The following GCM2 variants were observed in gnomAD, a reference collection of about 807,000 sequenced individuals.
GCM2 encodes the protein GCM transcription factor 2, also known as chorion-specific transcription factor GCMb.
A neutral mutation model predicts 24.8 loss-of-function variants in GCM2; 21 were observed. The ratio of observed to expected loss-of-function variants is 0.85; its 90% CI spans 0.60 to 1.22. The LOEUF is 1.22. Ranked by LOEUF, GCM2 falls within the 50% of genes most tolerant of loss-of-function variation. GCM2 has a pLI of 0.00. For synonymous variants in GCM2, 222 were observed against 238.0 expected (o/e 0.93, Z 0.62); for missense variants, 532 against 645.6 (o/e 0.82, Z 1.91).
rs767754568 is a variant in GCM2 at position 10,874,164 on chromosome 6, G to A, written c.1352C>T (p.Ala451Val). Reference protein sequence around the residue: ...SPSGPPPMKIAGDCRAIRPTV... With the variant: ...SPSGPPPMKIVGDCRAIRPTV... The stretch of plus-strand genomic sequence containing the variant: ...GGGTCTGATGGCCCGGCAATCTCCT[G>A]CAATTTTCATAGGAGGTGGCCCTGA... Residue 451 changes from alanine (A) to valine (V), a missense_variant, in exon 5 of 5, where the codon GCA becomes GTA. Physicochemically the swap from Ala to Val is moderately conservative, Grantham distance 64. Coordinates refer to ENST00000379491, the MANE Select transcript of GCM2 (RefSeq NM_004752.4). 1.9e-6 allele frequency: 3 copies of A among 1,614,102 alleles called. No individual in the cohort carries two copies. In the African/African-American group the frequency reaches 4.0e-5, roughly 22 times the overall value.
chr6:10,876,441 C>T lies in GCM2; in HGVS notation c.456+4G>A. The T allele has an allele frequency of 1.3e-6, 2 of 1,585,526 alleles. No individual in the cohort carries two copies. Among genetic ancestry groups the T allele is most frequent in the Non-Finnish European group, 1.7e-6 (2 of 1,153,834 alleles). On this transcript the variant is annotated splice_donor_region_variant and intron_variant, in intron 3 of 4. Coordinates refer to ENST00000379491, the MANE Select transcript of GCM2 (RefSeq NM_004752.4). ...ATCACAAATTGTGTTCTCACCTGACCTACCTGAAAAAAGATCGCGTTGCCA... is the reference window on the plus strand; with the variant it reads ...ATCACAAATTGTGTTCTCACCTGACTTACCTGAAAAAAGATCGCGTTGCCA...
chr6:10,876,562 A>T lies in GCM2; in HGVS notation c.344-5T>A, dbSNP rs749006010. On this transcript the variant is annotated splice_region_variant and splice_polypyrimidine_tract_variant and intron_variant, in intron 2 of 4. Transcript: ENST00000379491. Reference sequence around the variant, plus strand: ...GACAGTTAGGGCATGCCTTCTCTGCAAAGCCCAGAAGGGAGAAATATTAAC... The same window carrying T: ...GACAGTTAGGGCATGCCTTCTCTGCTAAGCCCAGAAGGGAGAAATATTAAC... 5.1e-6 allele frequency: 8 copies of T among 1,568,998 alleles called. No homozygotes were observed. The highest frequency in any genetic ancestry group is 7.0e-6 in the Non-Finnish European group (8 of 1,139,010).
intron 1 of GCM2, among the ~76,000 whole-genome samples, chr6:10,880,776 A>T (rs1353190530): frequency 1.3e-5 from 2 of 152,240 alleles, no homozygotes; most frequent in Non-Finnish European, 2.9e-5. Context: ...AGTTTTGGGT[A>T]CAGGTGGCCT....
intron 3 of GCM2, 33 bp from the exon 4 acceptor site, chr6:10,876,049 T>A: frequency 6.2e-7 from 1 of 1,613,012 alleles, no homozygotes. Context: ...CATACATTTG[T>A]GCCTCTAAAG....
At chr6:10,875,684 T>C (rs542538675) in intron 4 of GCM2, among the ~76,000 whole-genome samples, 1 of 152,310 alleles carries the variant, frequency 6.6e-6, no homozygotes, top group East Asian at 1.9e-4. Context: ...TCATTGCCTG[T>C]AGAGATTGTT....
In GCM2 at chr6:10,874,120, C is replaced by G; in HGVS notation, c.1396G>C (p.Glu466Gln). The change falls in exon 5 of 5, where the codon GAG becomes CAG. Residue 466 changes from glutamate to glutamine, a missense_variant. Glu to Gln is a conservative substitution (Grantham distance 29). This residue lies in a region of GCM2 where 434 missense variants were observed against 521.9 expected (regional missense o/e 0.83). Transcript: ENST00000379491. Reference protein sequence around the residue: ...AIRPTVAIPHEPVSSRTDEAE... With the variant: ...AIRPTVAIPHQPVSSRTDEAE... ...TCATCTGTCCTAGAGGAAACTGGCT[C>G]GTGGGGAATAGCCACAGTGGGTCTG... The G allele has an allele frequency of 1.2e-6, 2 of 1,614,186 alleles. No homozygotes were observed. Among genetic ancestry groups the G allele is most frequent in the Non-Finnish European group, 1.7e-6 (2 of 1,180,022 alleles).
chr6:10,877,462 T>G, intron 1 of GCM2, 70 bp from the exon 2 acceptor site: 1 of 1,537,628 alleles, frequency 6.5e-7, no homozygotes, highest in Non-Finnish European at 9.0e-7. Context: ...CTCTAAAATT[T>G]CTCTGAGCAC....
At chr6:10,879,905 C>A (rs762858272) in intron 1 of GCM2, among the ~76,000 whole-genome samples, 1 of 152,156 alleles carries the variant, frequency 6.6e-6, no homozygotes, top group Non-Finnish European at 1.5e-5. Context: ...ACTTGCTGTA[C>A]TGTGGTCCAC....
At chr6:10,879,749 T>TA (rs1254314397) in intron 1 of GCM2, among the ~76,000 whole-genome samples, 1 of 152,154 alleles carries the variant, frequency 6.6e-6, no homozygotes, top group Admixed American at 6.5e-5. Flanking sequence ...ACCAGTCTCC[T>TA]AAAAAAAAGT....
In GCM2 at chr6:10,877,946, T is replaced by G. The variant is rs112116357; in HGVS notation, c.91-554A>C. ...CATTTTCTTCAAAAGCACTTGGCTCTGTATGCCAAACCTGTCAGTCACATT... is the reference window on the plus strand; with the variant it reads ...CATTTTCTTCAAAAGCACTTGGCTCGGTATGCCAAACCTGTCAGTCACATT... On this transcript the variant is annotated intron_variant, in intron 1 of 4. Coordinates refer to ENST00000379491, the MANE Select transcript of GCM2 (RefSeq NM_004752.4). Among the ~76,000 whole-genome samples the G allele has an allele frequency of 1.1e-3, 164 of 152,364 alleles. 1 individual carries two copies. Among genetic ancestry groups the G allele is most frequent in the African/African-American group, 3.8e-3 (157 of 41,588 alleles).
intron 1 of GCM2, among the ~76,000 whole-genome samples, chr6:10,878,882 T>C (rs1405311921): frequency 6.6e-6 from 1 of 152,146 alleles, no homozygotes; most frequent in Admixed American, 6.6e-5. Context: ...GCTGGTGTAA[T>C]AAAGGCTCAG....
chr6:10,878,044 G>C (rs1036399495), intron 1 of GCM2, among the ~76,000 whole-genome samples: 8 of 152,146 alleles, frequency 5.3e-5, no homozygotes, highest in Non-Finnish European at 1.2e-4. Context: ...GGCTCTCCAA[G>C]TTTAAAAGGG....
At position 10,881,982 on chromosome 6, in the gene GCM2, C is replaced by T. The variant is rs1206109130; in HGVS notation, c.-189G>A. 1.5e-5 allele frequency: 9 copies of T among 614,474 alleles called. No homozygotes were observed. The Admixed American group carries it at 2.0e-4, about 14-fold the overall frequency. The allele number at this position is 614,474 out of a possible 1,614,324, so 38.1% of individuals were successfully genotyped here. A position where few individuals can be genotyped will look rare whatever the true frequency, so the allele number is the denominator to read the frequency against. Reference sequence around the variant, plus strand: ...GAAGCTGGGGACAATGGTTATGGACCCGGGCGGGGCCTTGTCCTTGGCCGC... The same window carrying T: ...GAAGCTGGGGACAATGGTTATGGACTCGGGCGGGGCCTTGTCCTTGGCCGC... On this transcript the variant is annotated 5_prime_UTR_variant, in exon 1 of 5. Coordinates refer to ENST00000379491, the MANE Select transcript of GCM2 (RefSeq NM_004752.4).
chr6:10,877,040 G>T, intron 2 of GCM2, 100 bp downstream of exon 2: 1 of 1,459,514 alleles, frequency 6.9e-7, no homozygotes, highest in Non-Finnish European at 9.5e-7. Context: ...TCCAGCCTGA[G>T]TGACAGAGTG....
In GCM2 at chr6:10,876,548, C is replaced by T; in HGVS notation, c.353G>A (p.Cys118Tyr). 1 of 1,607,384 alleles carries T rather than the reference C, an allele frequency of 6.2e-7. No individual in the cohort carries two copies. The highest frequency in any genetic ancestry group is 1.1e-5 in the South Asian group (1 of 90,936). The change falls in exon 3 of 5, where the codon TGC becomes TAC. Residue 118 changes from cysteine to tyrosine, a missense_variant. Cys to Tyr is a radical substitution (Grantham distance 194, BLOSUM62 -2). Coordinates refer to ENST00000379491, the MANE Select transcript of GCM2 (RefSeq NM_004752.4). Reference protein sequence around the residue: ...KARLKQQKKACPNCHSALELI... With the variant: ...KARLKQQKKAYPNCHSALELI... ...CTCCAAAGCAGAATGACAGTTAGGG[C>T]ATGCCTTCTCTGCAAAGCCCAGAAG...
In GCM2 at chr6:10,876,512, C is replaced by T. The variant is rs1391813973; in HGVS notation, c.389G>A (p.Cys130Tyr). 6.2e-7 allele frequency: 1 copy of T among 1,614,082 alleles called. No individual in the cohort carries two copies. The highest frequency in any genetic ancestry group is 1.7e-5 in the Admixed American group (1 of 60,020). The change falls in exon 3 of 5, where the codon TGT (cysteine) becomes TAT (tyrosine). Residue 130 changes from cysteine (C) to tyrosine (Y), a missense_variant. By Grantham distance (194) the Cys-to-Tyr change is radical. Coordinates refer to ENST00000379491, the MANE Select transcript of GCM2 (RefSeq NM_004752.4). Reference protein sequence around the residue: ...NCHSALELIPCRGHSGYPVTN... With the variant: ...NCHSALELIPYRGHSGYPVTN... ...TACGGGGTATCCGCTGTGCCCTCGA[C>T]AAGGAATCAACTCCAAAGCAGAATG...
chr6:10,881,680 C>T, intron 1 of GCM2, 24 bp downstream of exon 1: 1 of 1,578,810 alleles, frequency 6.3e-7, no homozygotes, highest in Non-Finnish European at 8.7e-7. Flanking sequence ...GCCCCGCGTG[C>T]CCGCACACAC....
rs780140637 is a variant in GCM2, at chr6:10,881,764, G to T, written c.30C>A (p.Val10=). Residue 10 remains valine (V), a synonymous_variant, in exon 1 of 5, where the codon GTC becomes GTA. Coordinates refer to ENST00000379491, the MANE Select transcript of GCM2 (RefSeq NM_004752.4). MPAAAVQEA[V]GVCSYGMQLS... ...GCTGCATCCCGTAGGAGCACACGCC[G>T]ACCGCTTCCTGCACCGCGGCCGCCG... 2.5e-6 allele frequency: 4 copies of T among 1,610,062 alleles called. No individual in the cohort carries two copies. Among genetic ancestry groups the T allele is most frequent in the Non-Finnish European group, 3.4e-6 (4 of 1,179,970 alleles).
At position 10,877,264 on chromosome 6, in the gene GCM2, A is replaced by G. The variant is rs1179768082; in HGVS notation, c.219T>C (p.Asn73=). The G allele has an allele frequency of 6.2e-7, 1 of 1,614,178 alleles. No homozygotes were observed. The highest frequency in any genetic ancestry group is 8.5e-7 in the Non-Finnish European group (1 of 1,180,032). ...GGCACGACTTCTTGAGGATGTGGCC[A>G]TTGTGGTTGTTGGTGTTGCGCATGG... The part of the protein sequence containing the change: ...GWAMRNTNNH[N]GHILKKSCLG... The change falls in exon 2 of 5, where the codon AAT becomes AAC. Residue 73 remains asparagine (N), a synonymous_variant. Transcript: ENST00000379491.
Sources: gnomAD v4.1 joint callset for allele counts (sites outside exome capture counted in the v4.1 genomes callset) on GRCh38, gnomAD v4.1.1 for gene constraint, gnomAD v4.1.1 regional missense constraint, MANE v1.5 for transcripts, NCBI Gene and HGNC (gene_info 2026-07-23, HGNC 2026-07-21) for gene names.